MAP1B: variants seen among roughly 807,000 people sequenced by gnomAD.
MAP1B encodes microtubule-associated protein 1B.
A neutral mutation model predicts 176.1 loss-of-function variants in MAP1B; 12 were observed. The observed-to-expected ratio is 0.07, with a 90% CI of 0.04 to 0.11. The LOEUF (loss-of-function observed/expected upper bound fraction) is 0.11. Among genes scored for constraint, MAP1B ranks in the 10% least tolerant of loss-of-function variants. MAP1B has a pLI of 1.00. For missense variants in MAP1B, 2,523 were observed against 2,990.5 expected (o/e 0.84, Z 3.65); for synonymous variants, 1,044 against 1,135.0 (o/e 0.92, Z 1.61).
chr5:72,156,097 C>T (rs1000423137), intron 2 of MAP1B, among the ~76,000 whole-genome samples: 2 of 152,226 alleles, frequency 1.3e-5, no homozygotes, highest in East Asian at 3.9e-4. Context: ...CATATGGCCC[C>T]CCAAGCTTGC....
chr5:72,169,320 T>C (rs1746490622), intron 2 of MAP1B: 1 of 152,220 alleles, frequency 6.6e-6, no homozygotes, highest in Admixed American at 6.5e-5. Flanking sequence ...TTTTTAATTA[T>C]TTATGCATGG....
chr5:72,146,392 T>G (rs187075507), intron 2 of MAP1B, among the ~76,000 whole-genome samples: 1 of 152,348 alleles, frequency 6.6e-6, no homozygotes, highest in Admixed American at 6.5e-5. Flanking sequence ...CCAGTGCCAT[T>G]TGAGTCCGGG....
chr5:72,194,659 A>C lies in MAP1B; in HGVS notation c.1304A>C (p.Gln435Pro). Residue 435 changes from glutamine to proline, a missense_variant, in exon 5 of 7, where the codon CAG becomes CCG. By Grantham distance (76) the Gln-to-Pro change is moderately conservative. Coordinates refer to ENST00000296755, the MANE Select transcript of MAP1B (RefSeq NM_005909.5). The surrounding 1 kb of genome is among the most constrained non-coding windows in gnomAD (Gnocchi z 7.2). Reference protein sequence around the residue: ...LNPVKSSKEMQYFMQQWTGTN... With the variant: ...LNPVKSSKEMPYFMQQWTGTN... Reference sequence around the variant, plus strand: ...CCAGTCAAGAGCAGCAAGGAAATGCAGTATTTTATGCAGCAGTGGACTGGT... The same window carrying C: ...CCAGTCAAGAGCAGCAAGGAAATGCCGTATTTTATGCAGCAGTGGACTGGT... The C allele has an allele frequency of 6.2e-7, 1 of 1,614,222 alleles. No homozygotes were observed. The highest frequency in any genetic ancestry group is 1.3e-5 in the African/African-American group (1 of 75,076).
intron 2 of MAP1B, among the ~76,000 whole-genome samples, chr5:72,157,416 T>A (rs886207555): frequency 1.3e-5 from 2 of 152,248 alleles, no homozygotes; most frequent in Non-Finnish European, 2.9e-5. Flanking sequence ...TCGTTGCTTT[T>A]ATTAACTTAT....
At chr5:72,184,284 TA>T (rs1320006250) in intron 3 of MAP1B, among the ~76,000 whole-genome samples, 8 of 152,302 alleles carry the variant, frequency 5.3e-5, no homozygotes, top group African/African-American at 1.7e-4. Context: ...AAAGGCAGGC[TA>T]GCATAGTGGT....
intron 2 of MAP1B, among the ~76,000 whole-genome samples, chr5:72,166,197 T>C (rs1157541312): frequency 6.6e-6 from 1 of 152,192 alleles, no homozygotes; most frequent in Non-Finnish European, 1.5e-5. Context: ...ACTTTAAGCC[T>C]CAGAGAGTTT....
intron 5 of MAP1B, 46 bp downstream of exon 5, chr5:72,200,413 A>G (rs755807259): frequency 5.8e-5 from 92 of 1,577,612 alleles, no homozygotes; most frequent in Non-Finnish European, 7.6e-5. Flanking sequence ...CAACCATTCT[A>G]CTTGCGTTTA....
rs111543697 is a variant in MAP1B at position 72,185,072 on chromosome 5, G to A, written c.369+1247G>A. On this transcript the variant is annotated intron_variant, in intron 3 of 6. Transcript: ENST00000296755. ...ATAATGATATACTATGTGGCCTTGC[G>A]TGTCTGGCTTATTTTAGCCTAACAG... is the stretch of plus-strand genomic sequence containing the variant. Among the ~76,000 whole-genome samples the A allele has an allele frequency of 7.5e-3, 1,146 of 152,266 alleles. 20 individuals carry two copies. The highest frequency in any genetic ancestry group is 0.026 in the African/African-American group (1,069 of 41,534).
In MAP1B at chr5:72,198,784, A is replaced by T. The variant is rs747857702; in HGVS notation, c.5429A>T (p.Lys1810Ile). ...FSDSTSAVKEKTATCHSSSSP... is the reference protein window; with the variant it reads ...FSDSTSAVKEITATCHSSSSP... ...GATTCTACCTCTGCAGTCAAAGAGA[A>T]AACAGCAACTTGCCACAGTTCCTCT... Residue 1810 changes from lysine (K) to isoleucine (I), a missense_variant, in exon 5 of 7, where the codon AAA becomes ATA. Physicochemically the swap from Lys to Ile is moderately radical, Grantham distance 102. Transcript: ENST00000296755. 10 of 1,614,208 alleles carry T rather than the reference A, an allele frequency of 6.2e-6. No individual in the cohort carries two copies. The Admixed American group carries it at 1.7e-4, about 27-fold the overall frequency.
chr5:72,122,626 T>C (rs1745550090), intron 2 of MAP1B, among the ~76,000 whole-genome samples: 1 of 151,222 alleles, frequency 6.6e-6, no homozygotes, highest in African/African-American at 2.4e-5. Flanking sequence ...ACCCTAGAAA[T>C]ACCTATTCAT....
intron 2 of MAP1B, among the ~76,000 whole-genome samples, chr5:72,171,098 T>C (rs1371144404): frequency 6.6e-6 from 1 of 151,836 alleles, no homozygotes; most frequent in Non-Finnish European, 1.5e-5. Flanking sequence ...TAGGAAAGGG[T>C]AAAGTGAAAG....
chr5:72,120,077 T>C (rs1480051159), intron 2 of MAP1B, among the ~76,000 whole-genome samples: 1 of 152,182 alleles, frequency 6.6e-6, no homozygotes, highest in Non-Finnish European at 1.5e-5. Flanking sequence ...TTGTAAGAAG[T>C]GCCCCATAAT....
In MAP1B at chr5:72,196,760, G is replaced by T; in HGVS notation, c.3405G>T (p.Glu1135Asp). 6.2e-7 allele frequency: 1 copy of T among 1,614,160 alleles called. No individual in the cohort carries two copies. Among genetic ancestry groups the T allele is most frequent in the Non-Finnish European group, 8.5e-7 (1 of 1,180,038 alleles). Residue 1135 changes from glutamate to aspartate, a missense_variant, in exon 5 of 7, where the codon GAG becomes GAT. Coordinates refer to ENST00000296755, the MANE Select transcript of MAP1B (RefSeq NM_005909.5). This position sits in a 1 kb window ranked among gnomAD's most constrained non-coding sequence, Gnocchi z 5.3. The stretch of plus-strand genomic sequence containing the variant: ...CCAGTGAGCCCACCCCCATGGATGA[G>T]ATGTCTACCCCTCGAGACGTGATGA... ...EISSEPTPMDEMSTPRDVMSD... is the reference protein window; with the variant it reads ...EISSEPTPMDDMSTPRDVMSD...
chr5:72,136,881 C>T (rs185664189), intron 2 of MAP1B, among the ~76,000 whole-genome samples: 1 of 152,028 alleles, frequency 6.6e-6, no homozygotes, highest in African/African-American at 2.4e-5. Flanking sequence ...AAGCCCATAC[C>T]AAGATTTATT....
At chr5:72,184,449 AT>A (rs1287339963) in intron 3 of MAP1B, among the ~76,000 whole-genome samples, 6 of 152,360 alleles carry the variant, frequency 3.9e-5, no homozygotes, top group Admixed American at 2.0e-4. Context: ...TAATGTTCAT[AT>A]TTAATGTTGT....
At chr5:72,167,113 G>T (rs1242608491) in intron 2 of MAP1B, among the ~76,000 whole-genome samples, 2 of 151,608 alleles carry the variant, frequency 1.3e-5, no homozygotes, top group African/African-American at 4.9e-5. Flanking sequence ...TTACAAAAGA[G>T]AGAGGAGGAA....
At chr5:72,193,441 C>T (rs1357880911) in intron 4 of MAP1B, 5 of 293,098 alleles carry the variant, frequency 1.7e-5, no homozygotes, top group Admixed American at 1.4e-4. Context: ...GATAGTTTAA[C>T]GTTTTTTTTT....
intron 2 of MAP1B, among the ~76,000 whole-genome samples, chr5:72,153,766 A>G (rs1746183844): frequency 6.6e-6 from 1 of 151,778 alleles, no homozygotes; most frequent in Non-Finnish European, 1.5e-5. Context: ...TTTAGAGAAC[A>G]TTGGTCAACT....
chr5:72,159,447 ATG>A (rs1746289786), intron 2 of MAP1B, among the ~76,000 whole-genome samples: 1 of 151,484 alleles, frequency 6.6e-6, no homozygotes, highest in South Asian at 2.1e-4. Flanking sequence ...TAGATAGTGT[ATG>A]TTAACATAAT....
Sources: gnomAD v4.1 joint callset for allele counts (sites outside exome capture counted in the v4.1 genomes callset) on GRCh38, gnomAD v4.1.1 for gene constraint, Gnocchi (gnomAD v3.1) non-coding constraint, MANE v1.5 for transcripts, NCBI Gene and HGNC (gene_info 2026-07-23, HGNC 2026-07-21) for gene names.